IMMP2L: variants seen among roughly 807,000 people sequenced by gnomAD.
The protein encoded by IMMP2L is mitochondrial inner membrane protease subunit 2.
In IMMP2L, 18 loss-of-function variants were observed where a neutral mutation model predicts 19.3. The ratio of observed to expected loss-of-function variants is 0.93; its 90% CI spans 0.64 to 1.38. IMMP2L has a LOEUF of 1.38. IMMP2L is among the 40% of genes most tolerant of loss of function. IMMP2L has a pLI of 0.00. For missense variants in IMMP2L, 233 were observed against 218.2 expected (o/e 1.07, Z -0.43); for synonymous variants, 76 against 73.0 (o/e 1.04, Z -0.21).
chr7:110,922,908 T>C (rs966292335), intron 4 of IMMP2L, among the ~76,000 whole-genome samples: 1 of 152,198 alleles, frequency 6.6e-6, no homozygotes, highest in African/African-American at 2.4e-5. Context: ...TGGTGGACTC[T>C]GATTGATTTT....
chr7:111,346,024 G>T (rs1827503451), intron 3 of IMMP2L, among the ~76,000 whole-genome samples: 1 of 152,032 alleles, frequency 6.6e-6, no homozygotes, highest in Non-Finnish European at 1.5e-5. Flanking sequence ...AACCATTACT[G>T]CAAGACATAA....
At chr7:111,539,446 T>G (rs747698817) in intron 1 of IMMP2L, among the ~76,000 whole-genome samples, 50 of 152,196 alleles carry the variant, frequency 3.3e-4, no homozygotes, top group Middle Eastern at 6.8e-3. Flanking sequence ...TTAAGAATTT[T>G]TTTCCCAATT....
At chr7:110,693,450 C>A (rs1562920742) in intron 5 of IMMP2L, among the ~76,000 whole-genome samples, 1 of 152,212 alleles carries the variant, frequency 6.6e-6, no homozygotes, top group Non-Finnish European at 1.5e-5. Context: ...TGACACATTA[C>A]ACAATATAGA....
Position 111,522,926 on chromosome 7 carries a change from C to CATAT in IMMP2L, c.-2-1481_-2-1478dup, listed in dbSNP as rs148789480. Among the ~76,000 whole-genome samples, 24 of 134,956 alleles carry CATAT rather than the reference C, an allele frequency of 1.8e-4. 1 individual carries two copies. The highest frequency in any genetic ancestry group is 6.6e-4 in the African/African-American group (21 of 31,760). 88.5% of individuals were successfully genotyped at this position (134,956 alleles called of 152,430 possible). A position where few individuals can be genotyped will look rare whatever the true frequency, so the allele number is the denominator to read the frequency against. On this transcript the variant is annotated intron_variant, in intron 1 of 5. Transcript: ENST00000405709. ...TGAATGAACTTTAAGATGTGAGATA[C>CATAT]ATATATATATATTATTTCACCATAA...
intron 3 of IMMP2L, among the ~76,000 whole-genome samples, chr7:111,027,602 G>T (rs1381177549): frequency 6.6e-6 from 1 of 151,956 alleles, no homozygotes; most frequent in Non-Finnish European, 1.5e-5. Flanking sequence ...GGGGATTCTG[G>T]AGGTACACAG....
chr7:111,543,899 G>C (rs1046798390), intron 1 of IMMP2L, among the ~76,000 whole-genome samples: 2 of 152,066 alleles, frequency 1.3e-5, no homozygotes, highest in African/African-American at 4.8e-5. Context: ...TAGCAGGAGA[G>C]AAAAATTAGC....
intron 3 of IMMP2L, among the ~76,000 whole-genome samples, chr7:111,449,367 A>G (rs1838889965): frequency 9.5e-6 from 1 of 105,158 alleles, no homozygotes; most frequent in Admixed American, 1.0e-4. Flanking sequence ...CACCATGATC[A>G]AGTGGGCTTC....
intron 4 of IMMP2L, among the ~76,000 whole-genome samples, chr7:110,909,973 C>A (rs536423190): frequency 6.7e-5 from 10 of 148,668 alleles, no homozygotes; most frequent in Middle Eastern, 3.5e-3. Flanking sequence ...GTAAATGTGC[C>A]AAGGAAGGAG....
At chr7:110,834,288 C>A (rs1250167086) in intron 5 of IMMP2L, among the ~76,000 whole-genome samples, 2 of 152,090 alleles carry the variant, frequency 1.3e-5, no homozygotes, top group African/African-American at 4.8e-5. Flanking sequence ...ACCAGCACAG[C>A]AGCCTGTCAT....
intron 5 of IMMP2L, among the ~76,000 whole-genome samples, chr7:110,701,779 A>G (rs1423778118): frequency 6.6e-6 from 1 of 152,188 alleles, no homozygotes; most frequent in Non-Finnish European, 1.5e-5. Context: ...TAAAGACACT[A>G]GATAAATTTT....
intron 3 of IMMP2L, among the ~76,000 whole-genome samples, chr7:111,082,855 CA>C (rs59384730): frequency 0.022 from 1,558 of 71,190 alleles, 15 homozygotes; most frequent in African/African-American, 0.042. Context: ...GCGATTTTGC[CA>C]AAAAAAAAAA....
chr7:110,869,868 T>C (rs1363038415), intron 5 of IMMP2L, among the ~76,000 whole-genome samples: 1 of 152,156 alleles, frequency 6.6e-6, no homozygotes, highest in Non-Finnish European at 1.5e-5. Context: ...CCCATGGAGA[T>C]AGTTTTACTA....
At chr7:110,769,940 G>T (rs1292939025) in intron 5 of IMMP2L, among the ~76,000 whole-genome samples, 1 of 150,052 alleles carries the variant, frequency 6.7e-6, no homozygotes, top group Non-Finnish European at 1.5e-5. Flanking sequence ...AAAACCAACG[G>T]GTTGACTATC....
At chr7:111,136,644 T>A (rs749424563) in intron 3 of IMMP2L, among the ~76,000 whole-genome samples, 9 of 152,176 alleles carry the variant, frequency 5.9e-5, no homozygotes, top group Non-Finnish European at 1.3e-4. Context: ...GGTGTGCTAA[T>A]CTCTAATCTC....
intron 3 of IMMP2L, among the ~76,000 whole-genome samples, chr7:111,235,726 T>A (rs1378230956): frequency 1.3e-5 from 2 of 152,152 alleles, no homozygotes; most frequent in East Asian, 3.9e-4. Context: ...AGTTTATAGT[T>A]TTTATCAATT....
At chr7:110,846,609 A>C (rs1206699501) in intron 5 of IMMP2L, among the ~76,000 whole-genome samples, 2 of 151,830 alleles carry the variant, frequency 1.3e-5, no homozygotes, top group African/African-American at 4.8e-5. Flanking sequence ...CAGATGATCC[A>C]TCTGCCTCAG....
At chr7:111,408,492 C>A (rs1481909755) in intron 3 of IMMP2L, among the ~76,000 whole-genome samples, 1 of 151,668 alleles carries the variant, frequency 6.6e-6, no homozygotes, top group Admixed American at 6.6e-5. Flanking sequence ...GTCACACAAT[C>A]TCTATAATAA....
At chr7:110,789,626 A>G (rs2131138184) in intron 5 of IMMP2L, among the ~76,000 whole-genome samples, 1 of 151,754 alleles carries the variant, frequency 6.6e-6, no homozygotes, top group Non-Finnish European at 1.5e-5. Context: ...AAAACTGTCC[A>G]ATGGCTTCCT....
chr7:110,732,994 C>T (rs1322156262), intron 5 of IMMP2L, among the ~76,000 whole-genome samples: 4 of 152,006 alleles, frequency 2.6e-5, no homozygotes, highest in Non-Finnish European at 5.9e-5. Flanking sequence ...CACTATGATT[C>T]CCAGGCTGAT....
Sources: allele counts gnomAD v4.1 joint callset (sites outside exome capture counted in the v4.1 genomes callset), GRCh38; gene constraint gnomAD v4.1.1; transcripts MANE v1.5; gene names NCBI Gene and HGNC (gene_info 2026-07-23, HGNC 2026-07-21).